The following CDHR5 variants were observed in gnomAD, a reference collection of about 807,000 sequenced individuals.
CDHR5 encodes the protein cadherin related family member 5.
Under a neutral mutation model 69.5 loss-of-function variants are expected in CDHR5, and 82 were observed. The observed-to-expected ratio is 1.18, with a 90% CI of 0.99 to 1.42. CDHR5 has a LOEUF of 1.42. CDHR5 is among the 40% of genes most tolerant of loss of function. The pLI is 0.00. For synonymous variants in CDHR5, 601 were observed against 510.2 expected (o/e 1.18, Z -2.40); for missense variants, 1,293 against 1,168.9 (o/e 1.11, Z -1.55).
In CDHR5 at chr11:620,287, C is replaced by A; in HGVS notation, c.880+9G>T. 6.2e-7 allele frequency: 1 copy of A among 1,606,006 alleles called. No homozygotes were observed. The highest frequency in any genetic ancestry group is 8.5e-7 in the Non-Finnish European group (1 of 1,174,408). ...TACAGGGCATTGTTGAGGGCTGGGCCCCACTCACCCCTAAAGATGCTGTAG... is the reference window on the plus strand; with the variant it reads ...TACAGGGCATTGTTGAGGGCTGGGCACCACTCACCCCTAAAGATGCTGTAG... On this transcript the variant is annotated intron_variant, in intron 8 of 14. Coordinates refer to ENST00000397542, the MANE Select transcript of CDHR5 (RefSeq NM_021924.5).
At position 619,667 on chromosome 11, in the gene CDHR5, G is replaced by A. The variant is rs774064405; in HGVS notation, c.1179+14C>T. The A allele has an allele frequency of 1.2e-6, 2 of 1,612,870 alleles. No individual in the cohort carries two copies. Among genetic ancestry groups the A allele is most frequent in the Non-Finnish European group, 1.7e-6 (2 of 1,179,436 alleles). On this transcript the variant is annotated intron_variant, in intron 10 of 14. Transcript: ENST00000397542. ...ACCCACCCACAGAGGGGAGGCCTTG[G>A]ATGCACTCTCTACCGAGAACTCCGG...
rs764724524 is a variant in CDHR5, at chr11:620,118, G to A, written c.927C>T (p.Leu309=). ...TFIIHPDSGN[L]TVARSVPSPM... ...GGCTGGGGACACTCCTGGCCACGGT[G>A]AGGTTGCCCGAGTCTGGGTGGATGA... The change falls in exon 9 of 15, where the codon CTC becomes CTT. Residue 309 remains leucine (L), a synonymous_variant. Transcript: ENST00000397542. The A allele has an allele frequency of 9.9e-6, 16 of 1,613,734 alleles. No individual in the cohort carries two copies. Among genetic ancestry groups the A allele is most frequent in the Non-Finnish European group, 1.3e-5 (15 of 1,179,856 alleles).
At position 619,138 on chromosome 11, in the gene CDHR5, C is replaced by A; in HGVS notation, c.1421G>T (p.Trp474Leu). 1 of 1,581,726 alleles carries A rather than the reference C, an allele frequency of 6.3e-7. No individual in the cohort carries two copies. The change falls in exon 13 of 15, where the codon TGG becomes TTG. Residue 474 changes from tryptophan (W) to leucine (L), a missense_variant. Trp to Leu is a moderately conservative substitution (Grantham distance 61). Transcript: ENST00000397542. ...SPEAGGTTGP[W>L]TSTTSEVPRP... The stretch of plus-strand genomic sequence containing the variant: ...GGGGACCTCGGAAGTGGTGCTGGTC[C>A]AGGGCCCAGTTGTTCCTCCAGCCTC...
chr11:619,615 C>T lies in CDHR5; in HGVS notation c.1180-28G>A, dbSNP rs762639707. The T allele has an allele frequency of 3.0e-5, 49 of 1,608,628 alleles. No homozygotes were observed. The Middle Eastern group carries it at 6.6e-4, about 22-fold the overall frequency. ...GGACAGGGTCTCATTGAGTCCCCGG[C>T]CAGGCTGCCTCCCACGTACAGCCCT... is the stretch of plus-strand genomic sequence containing the variant. On this transcript the variant is annotated intron_variant, in intron 10 of 14. Transcript: ENST00000397542.
chr11:616,998 C>T lies in CDHR5; in HGVS notation c.*353G>A. 1 of 296,588 alleles carries T rather than the reference C, an allele frequency of 3.4e-6. No homozygotes were observed. The allele number at this position is 296,588 out of a possible 1,614,324, so 18.4% of individuals were successfully genotyped here. ...AGCCGGGTGCCTGAGATCTCCGGTG[C>T]AGGTCGGGGGAGGGGAGCCCCCCTC... On this transcript the variant is annotated 3_prime_UTR_variant, in exon 15 of 15. Coordinates refer to ENST00000397542, the MANE Select transcript of CDHR5 (RefSeq NM_021924.5).
In CDHR5 at chr11:621,149, G is replaced by A. The variant is rs528579786; in HGVS notation, c.720C>T (p.Cys240=). The A allele has an allele frequency of 1.1e-5, 18 of 1,602,312 alleles. No homozygotes were observed. In the East Asian group the frequency reaches 2.7e-4, roughly 24 times the overall value. The change falls in exon 7 of 15, where the codon TGC becomes TGT. Residue 240 remains cysteine, a synonymous_variant. Coordinates refer to ENST00000397542, the MANE Select transcript of CDHR5 (RefSeq NM_021924.5). This position sits in a 1 kb window ranked among gnomAD's most constrained non-coding sequence, Gnocchi z 4.4. The part of the protein sequence containing the change: ...ADLRPPWFLP[C]TFSDGYVCIQ... The stretch of plus-strand genomic sequence containing the variant: ...TGCAGACGTAGCCATCTGAGAAGGT[G>A]CAGGGCAGGAACCACGGGGGCCGCA...
Position 621,202 on chromosome 11 carries a change from G to T in CDHR5, c.667C>A (p.Leu223Ile), listed in dbSNP as rs142274883. 4 of 1,602,684 alleles carry T rather than the reference G, an allele frequency of 2.5e-6. No homozygotes were observed. The highest frequency in any genetic ancestry group is 2.6e-6 in the Non-Finnish European group (3 of 1,173,572). The change falls in exon 7 of 15, where the codon CTA becomes ATA. Residue 223 changes from leucine (L) to isoleucine (I), a missense_variant. Coordinates refer to ENST00000397542, the MANE Select transcript of CDHR5 (RefSeq NM_021924.5). The surrounding 1 kb of genome is among the most constrained non-coding windows in gnomAD (Gnocchi z 4.4). ...VEPSHTATAT[L>I]VLNVVPADLR... Reference sequence around the variant, plus strand: ...TCGGCGGGCACCACGTTCAGCACTAGTGTGGCGGTGGCAGTGTGGCTGGGT... The same window carrying T: ...TCGGCGGGCACCACGTTCAGCACTATTGTGGCGGTGGCAGTGTGGCTGGGT...
rs1857347928 is a variant in CDHR5 at position 621,082 on chromosome 11, G to C, written c.787C>G (p.Leu263Val). The change falls in exon 7 of 15, where the codon CTG becomes GTG. Residue 263 changes from leucine (L) to valine (V), a missense_variant and splice_region_variant. Transcript: ENST00000397542. The surrounding 1 kb of genome is among the most constrained non-coding windows in gnomAD (Gnocchi z 4.4). ...CACTGCCCCTCCCTCCCCATTACCAGTATGTGCCCCGTGGGGACAGCCCCG... is the reference window on the plus strand; with the variant it reads ...CACTGCCCCTCCCTCCCCATTACCACTATGTGCCCCGTGGGGACAGCCCCG... ...YHGAVPTGHI[L>V]PSPLVLRPGP... The C allele has an allele frequency of 3.3e-6, 5 of 1,526,024 alleles. No homozygotes were observed. The highest frequency in any genetic ancestry group is 4.4e-6 in the Non-Finnish European group (5 of 1,133,752). 94.5% of individuals were successfully genotyped at this position (1,526,024 alleles called of 1,614,324 possible). A position where few individuals can be genotyped will look rare whatever the true frequency, so the allele number is the denominator to read the frequency against.
intron 3 of CDHR5, 109 bp from the exon 4 acceptor site, chr11:622,013 C>T (rs1183541600): frequency 8.9e-6 from 7 of 786,740 alleles, no homozygotes; most frequent in African/African-American, 8.7e-5. Context: ...TCAACGGCCA[C>T]CTGTCCCCGC....
In CDHR5 at chr11:617,107, A is replaced by T; in HGVS notation, c.*244T>A. Reference sequence around the variant, plus strand: ...AGGCGGCGGGCACTGCAGGTGGTTTACGGGAAGTGCTGCAGCCTTGGGGTG... The same window carrying T: ...AGGCGGCGGGCACTGCAGGTGGTTTTCGGGAAGTGCTGCAGCCTTGGGGTG... On this transcript the variant is annotated 3_prime_UTR_variant, in exon 15 of 15. Coordinates refer to ENST00000397542, the MANE Select transcript of CDHR5 (RefSeq NM_021924.5). 1 of 539,636 alleles carries T rather than the reference A, an allele frequency of 1.9e-6. No individual in the cohort carries two copies. Among genetic ancestry groups the T allele is most frequent in the South Asian group, 2.6e-5 (1 of 38,488 alleles). The allele number at this position is 539,636 out of a possible 1,614,324, so 33.4% of individuals were successfully genotyped here.
rs1199034673 is a variant in CDHR5 at position 619,092 on chromosome 11, C to G, written c.1467G>C (p.Gln489His). The change falls in exon 13 of 15, where the codon CAG becomes CAC. Residue 489 changes from glutamine (Q) to histidine (H), a missense_variant. Physicochemically the swap from Gln to His is conservative, Grantham distance 24. Transcript: ENST00000397542. ...SEVPRPPEPS[Q>H]GPSTTSSGGG... ...CCCCAGAGCTGGTCGTGGAGGGTCC[C>G]TGGGAGGGCTCAGGGGGTCTGGGGA... is the stretch of plus-strand genomic sequence containing the variant. 1.2e-6 allele frequency: 2 copies of G among 1,610,496 alleles called. No individual in the cohort carries two copies. The highest frequency in any genetic ancestry group is 1.7e-6 in the Non-Finnish European group (2 of 1,179,064).
rs774121861 is a variant in CDHR5, at chr11:624,437, C to A, written c.261+120G>T. The A allele has an allele frequency of 1.9e-6, 2 of 1,046,626 alleles. No homozygotes were observed. The highest frequency in any genetic ancestry group is 2.6e-5 in the South Asian group (2 of 77,558). 64.8% of individuals were successfully genotyped at this position (1,046,626 alleles called of 1,614,324 possible). On this transcript the variant is annotated intron_variant, in intron 2 of 14. Transcript: ENST00000397542. The surrounding 1 kb of genome is among the most constrained non-coding windows in gnomAD (Gnocchi z 5.3). ...GCCTTCTAGGGCAGGCACCACCAAG[C>A]ATGGGTGTCAGTGGATGCCCGCAGG...
Position 621,723 on chromosome 11 carries a change from G to A in CDHR5, c.406-60C>T. On this transcript the variant is annotated intron_variant, in intron 4 of 14. Coordinates refer to ENST00000397542, the MANE Select transcript of CDHR5 (RefSeq NM_021924.5). The surrounding 1 kb of genome is among the most constrained non-coding windows in gnomAD (Gnocchi z 4.4). ...CTTGGCCCCTGTGGACCCCCACTGT[G>A]GTTGAGCCCCCGGCCACCACTCACC... 6.4e-7 allele frequency: 1 copy of A among 1,550,982 alleles called. No homozygotes were observed. The highest frequency in any genetic ancestry group is 8.9e-7 in the Non-Finnish European group (1 of 1,123,846).
rs375926642 is a variant in CDHR5 at position 624,693 on chromosome 11, T to G, written c.125A>C (p.Asn42Thr). 3.3e-5 allele frequency: 53 copies of G among 1,612,682 alleles called. No homozygotes were observed. The highest frequency in any genetic ancestry group is 4.4e-5 in the Non-Finnish European group (52 of 1,179,084). Residue 42 changes from asparagine (N) to threonine (T), a missense_variant, in exon 2 of 15, where the codon AAC (asparagine) becomes ACC (threonine). Asn to Thr is a moderately conservative substitution (Grantham distance 65). Transcript: ENST00000397542. The surrounding 1 kb of genome is among the most constrained non-coding windows in gnomAD (Gnocchi z 5.3). Reference sequence around the variant, plus strand: ...CACCAGCGGCTCGGTGACATTTGTGTTCTCCTCTACTTCAAAGATGTCCTT... The same window carrying G: ...CACCAGCGGCTCGGTGACATTTGTGGTCTCCTCTACTTCAAAGATGTCCTT... ...VNKDIFEVEE[N>T]TNVTEPLVDI...
rs774047706 is a variant in CDHR5, at chr11:617,530, C to T, written c.2359G>A (p.Gly787Arg). The T allele has an allele frequency of 1.8e-5, 29 of 1,612,374 alleles. No homozygotes were observed. The highest frequency in any genetic ancestry group is 2.2e-5 in the East Asian group (1 of 44,884). ...ILTKERRPEG[G>R]YKAVWFGEDI... ...TCGCCAAACCAGACAGCCTTGTACC[C>T]GCCCTCCGGCCGCCGCTCCTTGGTC... is the stretch of plus-strand genomic sequence containing the variant. The change falls in exon 15 of 15, where the codon GGG (glycine) becomes AGG (arginine). Residue 787 changes from glycine to arginine, a missense_variant. Transcript: ENST00000397542.
rs893614861 is a variant in CDHR5, at chr11:617,986, G to C, written c.2086C>G (p.Pro696Ala). 1 of 1,612,268 alleles carries C rather than the reference G, an allele frequency of 6.2e-7. No homozygotes were observed. The highest frequency in any genetic ancestry group is 8.5e-7 in the Non-Finnish European group (1 of 1,179,786). ...LAVLVHKHYG[P>A]RLKCCCGKAP... ...TTGCCACAGCAGCACTTGAGCCGGG[G>C]GCCATAGTGCTTGTGGACAAGGACG... The change falls in exon 14 of 15, where the codon CCC (proline) becomes GCC (alanine). Residue 696 changes from proline (P) to alanine (A), a missense_variant. By Grantham distance (27) the Pro-to-Ala change is conservative. Coordinates refer to ENST00000397542, the MANE Select transcript of CDHR5 (RefSeq NM_021924.5).
In CDHR5 at chr11:617,374, C is replaced by G. The variant is rs138946147; in HGVS notation, c.2515G>C (p.Gly839Arg). ...ACTTAGATGTAGGAGTCATCACCAC[C>G]GGGCGCATCGTAGGGACCCCCACCC... ...GRGGGPYDAPGGDDSYI is the reference protein window; with the variant it reads ...GRGGGPYDAPRGDDSYI Residue 839 changes from glycine to arginine, a missense_variant, in exon 15 of 15, where the codon GGT becomes CGT. By Grantham distance (125) the Gly-to-Arg change is moderately radical (BLOSUM62 -2). Coordinates refer to ENST00000397542, the MANE Select transcript of CDHR5 (RefSeq NM_021924.5). The G allele has an allele frequency of 1.9e-6, 3 of 1,608,190 alleles. No homozygotes were observed. The highest frequency in any genetic ancestry group is 2.5e-6 in the Non-Finnish European group (3 of 1,177,058).
chr11:620,278 G>A lies in CDHR5; in HGVS notation c.880+18C>T, dbSNP rs944432001. ...CAGAGGGGGTACAGGGCATTGTTGAGGGCTGGGCCCCACTCACCCCTAAAG... is the reference window on the plus strand; with the variant it reads ...CAGAGGGGGTACAGGGCATTGTTGAAGGCTGGGCCCCACTCACCCCTAAAG... On this transcript the variant is annotated intron_variant, in intron 8 of 14. Coordinates refer to ENST00000397542, the MANE Select transcript of CDHR5 (RefSeq NM_021924.5). 1 of 1,603,344 alleles carries A rather than the reference G, an allele frequency of 6.2e-7. No individual in the cohort carries two copies. The highest frequency in any genetic ancestry group is 1.3e-5 in the African/African-American group (1 of 74,890).
chr11:619,728 C>T lies in CDHR5; in HGVS notation c.1132G>A (p.Ala378Thr). Reference sequence around the variant, plus strand: ...TGGATCCTCAGAGGCTGAGAAGGGGCAGCTGCATCCTTGACCACAACGCCC... The same window carrying T: ...TGGATCCTCAGAGGCTGAGAAGGGGTAGCTGCATCCTTGACCACAACGCCC... ...GAGVVVKDAAAPSQPLRIQAQ... is the reference protein window; with the variant it reads ...GAGVVVKDAATPSQPLRIQAQ... Residue 378 changes from alanine to threonine, a missense_variant, in exon 10 of 15, where the codon GCC becomes ACC. Physicochemically the swap from Ala to Thr is moderately conservative, Grantham distance 58. Transcript: ENST00000397542. 7.4e-6 allele frequency: 12 copies of T among 1,612,886 alleles called. No individual in the cohort carries two copies. Among genetic ancestry groups the T allele is most frequent in the Non-Finnish European group, 1.0e-5 (12 of 1,179,998 alleles).
Sources: gnomAD v4.1 joint callset for allele counts on GRCh38, gnomAD v4.1.1 for gene constraint, Gnocchi (gnomAD v3.1) non-coding constraint, MANE v1.5 for transcripts, NCBI Gene and HGNC (gene_info 2026-07-23, HGNC 2026-07-21) for gene names.